The following KIN variants were observed in gnomAD, a reference collection of about 807,000 sequenced individuals.
KIN encodes the protein Kin17 DNA and RNA binding protein.
In KIN, 47 loss-of-function variants were observed where a neutral mutation model predicts 63.0. That is an observed-to-expected ratio of 0.75 (90% CI 0.59 to 0.95). The LOEUF (loss-of-function observed/expected upper bound fraction) is 0.95, where lower values mean the gene tolerates loss of function less well. Among genes scored for constraint, KIN ranks in the 40% least tolerant of loss-of-function variants. The pLI is 0.00. For synonymous variants in KIN, 160 were observed against 157.7 expected, an observed-to-expected ratio of 1.01 and a Z score of -0.11; for missense variants, 408 against 460.9, an observed-to-expected ratio of 0.89 and a Z score of 1.05.
intron 7 of KIN, among the ~76,000 whole-genome samples, chr10:7,772,214 T>C (rs1248510741): frequency 6.6e-6 from 1 of 152,164 alleles, no homozygotes; most frequent in East Asian, 1.9e-4. Context: ...GAGATGTTAA[T>C]AAATGAGTGA....
At chr10:7,770,835 A>T (rs1047433277) in intron 7 of KIN, among the ~76,000 whole-genome samples, 4 of 152,236 alleles carry the variant, frequency 2.6e-5, no homozygotes, top group Non-Finnish European at 4.4e-5. Flanking sequence ...TAAAAAGTGC[A>T]TTTAAAGGTA....
chr10:7,753,984 T>C lies in KIN; in HGVS notation c.*2096A>G, dbSNP rs1362719054. On this transcript the variant is annotated 3_prime_UTR_variant, in exon 13 of 13. Coordinates refer to ENST00000379562, the MANE Select transcript of KIN (RefSeq NM_012311.4). ...TGACGTCAGCTTATACCCATCCTCA[T>C]GTTTGAAGTGATCATCCTGGTATGG... is the stretch of plus-strand genomic sequence containing the variant. 4.4e-6 allele frequency: 2 copies of C among 455,310 alleles called. No homozygotes were observed. Among genetic ancestry groups the C allele is most frequent in the South Asian group, 1.6e-5 (1 of 64,356 alleles). 28.2% of individuals were successfully genotyped at this position (455,310 alleles called of 1,614,324 possible).
At chr10:7,775,224 C>A (rs999926725) in intron 6 of KIN, among the ~76,000 whole-genome samples, 7 of 152,242 alleles carry the variant, frequency 4.6e-5, no homozygotes, top group African/African-American at 1.7e-4. Context: ...CCATTTTCAT[C>A]TCTGGGGTGA....
Position 7,752,254 on chromosome 10 carries a change from A to G in KIN, c.*3826T>C, listed in dbSNP as rs976397808. On this transcript the variant is annotated 3_prime_UTR_variant, in exon 13 of 13. Coordinates refer to ENST00000379562, the MANE Select transcript of KIN (RefSeq NM_012311.4). ...AGAAAATGAGTAACCCAATTAAATA[A>G]TGGGCAAAAAACCTGAAAGACATCT... is the stretch of plus-strand genomic sequence containing the variant. 3 of 152,258 alleles carry G rather than the reference A, an allele frequency of 2.0e-5. No homozygotes were observed. Among genetic ancestry groups the G allele is most frequent in the African/African-American group, 7.2e-5 (3 of 41,476 alleles). 9.4% of individuals were successfully genotyped at this position (152,258 alleles called of 1,614,324 possible).
At position 7,778,737 on chromosome 10, in the gene KIN, T is replaced by C. The variant is rs1254822112; in HGVS notation, c.558+101A>G. On this transcript the variant is annotated intron_variant, in intron 5 of 12. Transcript: ENST00000379562. The stretch of plus-strand genomic sequence containing the variant: ...CTGGGCGGCAGAGCAAGACTCCATC[T>C]CCAAAACAACAACAACAACAAAAAC... 22 of 881,538 alleles carry C rather than the reference T, an allele frequency of 2.5e-5. No individual in the cohort carries two copies. The Admixed American group carries it at 6.1e-4, about 24-fold the overall frequency. The allele number at this position is 881,538 out of a possible 1,614,324, so 54.6% of individuals were successfully genotyped here. A position where few individuals can be genotyped will look rare whatever the true frequency, so the allele number is the denominator to read the frequency against.
Position 7,751,314 on chromosome 10 carries a change from G to T in KIN, c.*4766C>A, listed in dbSNP as rs546596543. On this transcript the variant is annotated 3_prime_UTR_variant, in exon 13 of 13. Coordinates refer to ENST00000379562, the MANE Select transcript of KIN (RefSeq NM_012311.4). ...GGTAAAAATCATTTTTCATTGTAGA[G>T]GCAAAACTCTTTTTTTGGACATATC... is the stretch of plus-strand genomic sequence containing the variant. 4 of 152,262 alleles carry T rather than the reference G, an allele frequency of 2.6e-5. No homozygotes were observed. Among genetic ancestry groups the T allele is most frequent in the African/African-American group, 9.6e-5 (4 of 41,548 alleles). 9.4% of individuals were successfully genotyped at this position (152,262 alleles called of 1,614,324 possible). A position where few individuals can be genotyped will look rare whatever the true frequency, so the allele number is the denominator to read the frequency against.
intron 9 of KIN, 63 bp downstream of exon 9, chr10:7,765,990 G>T: frequency 2.6e-6 from 3 of 1,161,236 alleles, no homozygotes; most frequent in Non-Finnish European, 3.8e-6. Flanking sequence ...TATACCAAAT[G>T]CTAGTTAAAT....
Position 7,756,026 on chromosome 10 carries a change from G to T in KIN, c.*54C>A. On this transcript the variant is annotated 3_prime_UTR_variant, in exon 13 of 13. Transcript: ENST00000379562. The stretch of plus-strand genomic sequence containing the variant: ...CAGTAGAGTCTCATAATGCCTTGGC[G>T]AACACCAATTTGATGCTTTAAGATT... 1.8e-6 allele frequency: 2 copies of T among 1,090,336 alleles called. No individual in the cohort carries two copies. The highest frequency in any genetic ancestry group is 2.9e-5 in the South Asian group (2 of 69,680). 67.5% of individuals were successfully genotyped at this position (1,090,336 alleles called of 1,614,324 possible).
At position 7,769,267 on chromosome 10, in the gene KIN, AG is replaced by A. The variant is rs1220263720; in HGVS notation, c.746del (p.Thr249IlefsTer39). 2 of 1,613,604 alleles carry A rather than the reference AG, an allele frequency of 1.2e-6. No homozygotes were observed. The highest frequency in any genetic ancestry group is 3.3e-5 in the Admixed American group (2 of 59,982). On this transcript the variant is annotated frameshift_variant, in exon 8 of 13. Transcript: ENST00000379562. LOFTEE classifies it high-confidence loss of function. ...TCTTTTTCTTCTTTTCTTTAGACTG[AG>A]TTGAGCTCTGGGAAGATTCTTTTCG... is the stretch of plus-strand genomic sequence containing the variant. The part of the protein sequence containing the change: ...VKRKESSQSS[T>X]QSKEKKKKKS...
chr10:7,756,629 C>G (rs1835337779), intron 12 of KIN, among the ~76,000 whole-genome samples: 1 of 152,228 alleles, frequency 6.6e-6, no homozygotes, highest in South Asian at 2.1e-4. Flanking sequence ...CCTGGGTTCA[C>G]AAATCGCCAC....
intron 1 of KIN, 49 bp from the exon 2 acceptor site, chr10:7,783,224 G>A: frequency 9.8e-7 from 1 of 1,022,244 alleles, no homozygotes; most frequent in Non-Finnish European, 1.4e-6. Flanking sequence ...CATCAAAATG[G>A]GCTCTAAATA....
chr10:7,763,723 CT>C lies in KIN; in HGVS notation c.917del (p.Lys306ArgfsTer3). ...TCCATTCATAATTGCACGTCCTTACCTTAACAATAGCCTTTTTCTTATGATA... is the reference window on the plus strand; with the variant it reads ...TCCATTCATAATTGCACGTCCTTACCTAACAATAGCCTTTTTCTTATGATA... ...EKYHKKKAIVKEVIDKYTAVV... is the reference protein window; with the variant it reads ...EKYHKKKAIVXEVIDKYTAVV... On this transcript the variant is annotated frameshift_variant and splice_region_variant, in exon 10 of 13. Coordinates refer to ENST00000379562, the MANE Select transcript of KIN (RefSeq NM_012311.4). LOFTEE classifies it high-confidence loss of function. The C allele has an allele frequency of 6.8e-7, 1 of 1,469,434 alleles. No homozygotes were observed. Among genetic ancestry groups the C allele is most frequent in the Non-Finnish European group, 9.4e-7 (1 of 1,061,950 alleles). The allele number at this position is 1,469,434 out of a possible 1,614,324, so 91.0% of individuals were successfully genotyped here. A position where few individuals can be genotyped will look rare whatever the true frequency, so the allele number is the denominator to read the frequency against.
chr10:7,780,357 G>C (rs1349608440), intron 2 of KIN, 50 bp from the exon 3 acceptor site: 1 of 1,445,378 alleles, frequency 6.9e-7, no homozygotes, highest in South Asian at 1.2e-5. Context: ...CAAACATATA[G>C]CATCATCTTT....
intron 4 of KIN, among the ~76,000 whole-genome samples, chr10:7,779,610 C>T (rs1835856249): frequency 6.6e-6 from 1 of 152,038 alleles, no homozygotes; most frequent in Admixed American, 6.6e-5. Flanking sequence ...TTTTTCCTTC[C>T]CATTTTTCCC....
chr10:7,762,179 A>G (rs114604708), intron 11 of KIN, among the ~76,000 whole-genome samples: 4,897 of 152,082 alleles, frequency 0.032, 103 homozygotes, highest in South Asian at 0.059. Context: ...TAAGCCTAAT[A>G]TAACAAATGC....
chr10:7,770,496 G>C (rs140893370), intron 7 of KIN, among the ~76,000 whole-genome samples: 17 of 152,194 alleles, frequency 1.1e-4, no homozygotes, highest in African/African-American at 4.1e-4. Flanking sequence ...GCAGTGTTTT[G>C]AACTGCCACA....
At chr10:7,773,667 C>T (rs1322881764) in intron 7 of KIN, among the ~76,000 whole-genome samples, 1 of 152,156 alleles carries the variant, frequency 6.6e-6, no homozygotes, top group African/African-American at 2.4e-5. Context: ...TCCTTCCATA[C>T]TCCTAGCCAC....
rs535812431 is a variant in KIN at position 7,782,679 on chromosome 10, G to A, written c.209+402C>T. On this transcript the variant is annotated intron_variant, in intron 2 of 12. Transcript: ENST00000379562. ...CCCAAAGTGCTGGGATTACAGGTGT[G>A]AGCCACCTCGCCTGGCTTCTTAGTG... 2.0e-5 allele frequency among the ~76,000 whole-genome samples: 3 copies of A among 152,288 alleles called. No homozygotes were observed. The South Asian group carries it at 6.2e-4, about 32-fold the overall frequency.
At chr10:7,775,036 C>T (rs547784860) in intron 6 of KIN, 145 bp from the exon 7 acceptor site, 4 of 626,578 alleles carry the variant, frequency 6.4e-6, no homozygotes, top group African/African-American at 1.8e-5. Flanking sequence ...ACGGAGACCA[C>T]ACATTCCTGT....
Sources: gnomAD v4.1 joint callset for allele counts (sites outside exome capture counted in the v4.1 genomes callset) on GRCh38, gnomAD v4.1.1 for gene constraint, MANE v1.5 for transcripts, NCBI Gene and HGNC (gene_info 2026-07-23, HGNC 2026-07-21) for gene names.